The following EIF4G3 variants were observed in gnomAD, a reference collection of about 807,000 sequenced individuals.
The protein encoded by EIF4G3 is eukaryotic translation initiation factor 4 gamma 3.
Under a neutral mutation model 186.4 loss-of-function variants are expected in EIF4G3, and 34 were observed. The observed-to-expected ratio is 0.18, with a 90% CI of 0.14 to 0.24. EIF4G3 has a LOEUF of 0.24. Among genes scored for constraint, EIF4G3 ranks in the 10% least tolerant of loss-of-function variants. The pLI is 1.00. For missense variants in EIF4G3, 1,536 were observed against 1,948.5 expected, an observed-to-expected ratio of 0.79 and a Z score of 3.99; for synonymous variants, 673 against 679.5, an observed-to-expected ratio of 0.99 and a Z score of 0.15.
intron 31 of EIF4G3, among the ~76,000 whole-genome samples, chr1:20,828,127 G>A (rs1484186561): frequency 6.8e-6 from 1 of 147,694 alleles, no homozygotes; most frequent in East Asian, 2.0e-4. Context: ...CCAATTCCCT[G>A]GTTCAAGCGA....
intron 11 of EIF4G3, 102 bp downstream of exon 11, chr1:20,972,900 A>T: frequency 1.1e-6 from 1 of 894,554 alleles, no homozygotes; most frequent in African/African-American, 1.7e-5. Flanking sequence ...AAAAAAAGGC[A>T]CAGTAATTTG....
At chr1:21,059,882 G>A (rs1195047862) in intron 3 of EIF4G3, among the ~76,000 whole-genome samples, 1 of 152,216 alleles carries the variant, frequency 6.6e-6, no homozygotes, top group Non-Finnish European at 1.5e-5. Context: ...TAAGAAAGAA[G>A]CACTTCCAAA....
intron 4 of EIF4G3, among the ~76,000 whole-genome samples, chr1:21,013,689 AT>A (rs2087903071): frequency 6.6e-6 from 1 of 152,216 alleles, no homozygotes; most frequent in Non-Finnish European, 1.5e-5. Flanking sequence ...AAAAGCACTG[AT>A]ACATCCCAGG....
rs1453986332 is a variant in EIF4G3 at position 20,807,358 on chromosome 1, C to G, written c.4887G>C (p.Thr1629=). 1.5e-5 allele frequency: 24 copies of G among 1,607,566 alleles called. No homozygotes were observed. The highest frequency in any genetic ancestry group is 1.9e-5 in the Non-Finnish European group (22 of 1,175,474). The stretch of plus-strand genomic sequence containing the variant: ...ACTCCTCTTCTGCTTCCCGCAGCCA[C>G]GTGAAGAATGCCGTGACAGATTTCA... The part of the protein sequence containing the change: ...VALKSVTAFF[T]WLREAEEESE... The change falls in exon 37 of 37, where the codon ACG becomes ACC. Residue 1629 remains threonine, a synonymous_variant. Transcript: ENST00000602326.
chr1:21,157,348 G>GT (rs1298692280), intron 2 of EIF4G3, among the ~76,000 whole-genome samples: 6 of 151,574 alleles, frequency 4.0e-5, no homozygotes, highest in Non-Finnish European at 7.4e-5. Context: ...TGAGAGTACT[G>GT]TTTTTTTCTT....
At chr1:20,834,228 C>T (rs1286526976) in intron 30 of EIF4G3, among the ~76,000 whole-genome samples, 2 of 151,990 alleles carry the variant, frequency 1.3e-5, no homozygotes, top group Non-Finnish European at 2.9e-5. Flanking sequence ...GCAGGAGGAT[C>T]AATTGAGCCT....
intron 4 of EIF4G3, among the ~76,000 whole-genome samples, chr1:21,016,971 A>C (rs773925001): frequency 3.3e-5 from 5 of 152,182 alleles, no homozygotes; most frequent in Admixed American, 2.0e-4. Flanking sequence ...CTCATTTAAA[A>C]AACAAAACAA....
intron 2 of EIF4G3, among the ~76,000 whole-genome samples, chr1:21,144,078 T>C (rs895495321): frequency 2.6e-5 from 4 of 152,164 alleles, no homozygotes; most frequent in African/African-American, 9.7e-5. Flanking sequence ...AGCAATTTCA[T>C]GTTTTTTGCC....
intron 3 of EIF4G3, among the ~76,000 whole-genome samples, chr1:21,084,244 AAAAG>A (rs1209122935): frequency 3.3e-5 from 5 of 151,910 alleles, no homozygotes; most frequent in African/African-American, 9.7e-5. Context: ...AAAAAAAAAA[AAAAG>A]AAAGAAAAAA....
chr1:21,159,351 G>A (rs188328227), intron 2 of EIF4G3, among the ~76,000 whole-genome samples: 273 of 151,840 alleles, frequency 1.8e-3, no homozygotes, highest in Non-Finnish European at 2.9e-3. Context: ...AAAATGGGAG[G>A]ATCCCTTGAG....
chr1:21,120,910 C>A (rs1018232730), intron 2 of EIF4G3, among the ~76,000 whole-genome samples: 1 of 152,058 alleles, frequency 6.6e-6, no homozygotes, highest in Non-Finnish European at 1.5e-5. Flanking sequence ...AGTTTCCTAA[C>A]CTGTAAAATG....
chr1:20,884,681 T>C (rs1388415370), intron 19 of EIF4G3, among the ~76,000 whole-genome samples: 5 of 152,130 alleles, frequency 3.3e-5, no homozygotes, highest in South Asian at 2.1e-4. Context: ...CTGTGGCAAA[T>C]GTTTGGGGAT....
At chr1:20,808,971 C>T (rs2058690898) in intron 36 of EIF4G3, among the ~76,000 whole-genome samples, 3 of 151,774 alleles carry the variant, frequency 2.0e-5, no homozygotes, top group African/African-American at 4.8e-5. Context: ...TATCATGAGT[C>T]GTATTAACTT....
intron 3 of EIF4G3, among the ~76,000 whole-genome samples, chr1:21,052,420 A>G (rs1172376205): frequency 1.3e-5 from 2 of 152,254 alleles, no homozygotes; most frequent in Non-Finnish European, 2.9e-5. Flanking sequence ...TTGCCAATCT[A>G]GCATAAAATA....
At chr1:21,126,030 C>T (rs10916940) in intron 2 of EIF4G3, among the ~76,000 whole-genome samples, 4,917 of 151,342 alleles carry the variant, frequency 0.032, 266 homozygotes, top group African/African-American at 0.11. Context: ...ATGGCAAAAC[C>T]GTGTCTCTAC....
chr1:21,163,459 T>C (rs1376893958), intron 2 of EIF4G3, among the ~76,000 whole-genome samples: 1 of 152,196 alleles, frequency 6.6e-6, no homozygotes, highest in Admixed American at 6.5e-5. Context: ...CCATTAAAAT[T>C]ATACATGGAC....
chr1:21,165,497 C>A (rs940331239), intron 2 of EIF4G3, among the ~76,000 whole-genome samples: 5 of 152,238 alleles, frequency 3.3e-5, no homozygotes, highest in African/African-American at 1.2e-4. Flanking sequence ...TGGAATATTA[C>A]TCAATAATTT....
At chr1:20,811,495 G>T (rs181404226) in intron 35 of EIF4G3, among the ~76,000 whole-genome samples, 1 of 152,164 alleles carries the variant, frequency 6.6e-6, no homozygotes, top group Non-Finnish European at 1.5e-5. Flanking sequence ...CAAATATTTT[G>T]AAATCCAAAA....
intron 12 of EIF4G3, among the ~76,000 whole-genome samples, chr1:20,962,286 AT>A (rs979337597): frequency 2.4e-4 from 37 of 152,124 alleles, no homozygotes; most frequent in African/African-American, 8.0e-4. Flanking sequence ...GATAAAACAT[AT>A]TTTTTTCTCA....
Sources: allele counts gnomAD v4.1 joint callset (sites outside exome capture counted in the v4.1 genomes callset), GRCh38; gene constraint gnomAD v4.1.1; transcripts MANE v1.5; gene names NCBI Gene and HGNC (gene_info 2026-07-23, HGNC 2026-07-21).